EXOC4: variants seen among roughly 807,000 people sequenced by gnomAD.
The protein encoded by EXOC4 is exocyst complex component 4.
A neutral mutation model predicts 107.2 loss-of-function variants in EXOC4; 71 were observed. The ratio of observed to expected loss-of-function variants is 0.66; its 90% CI spans 0.55 to 0.81. The LOEUF (loss-of-function observed/expected upper bound fraction) is 0.81. Among genes scored for constraint, EXOC4 ranks in the 30% least tolerant of loss-of-function variants. EXOC4 has a pLI of 0.00. For synonymous variants in EXOC4, 456 were observed against 441.2 expected (o/e 1.03, Z -0.42); for missense variants, 1,108 against 1,189.6 (o/e 0.93, Z 1.01).
intron 9 of EXOC4, among the ~76,000 whole-genome samples, chr7:133,494,154 C>T (rs191885399): frequency 6.6e-5 from 10 of 152,224 alleles, no homozygotes; most frequent in South Asian, 2.1e-4. Context: ...AATCCTTTAA[C>T]GGATTGGGTA....
intron 13 of EXOC4, among the ~76,000 whole-genome samples, chr7:133,929,602 G>A (rs1273850723): frequency 6.6e-6 from 1 of 152,018 alleles, no homozygotes; most frequent in Non-Finnish European, 1.5e-5. Context: ...TCAGGGGTGT[G>A]TATGCAGGTT....
intron 10 of EXOC4, among the ~76,000 whole-genome samples, chr7:133,645,652 A>G (rs879476439): frequency 1.3e-5 from 2 of 151,112 alleles, no homozygotes; most frequent in Non-Finnish European, 2.9e-5. Flanking sequence ...GTTCTCTGTC[A>G]GAACCAGGAT....
chr7:133,379,317 A>G (rs1796561732), intron 7 of EXOC4, among the ~76,000 whole-genome samples: 1 of 152,112 alleles, frequency 6.6e-6, no homozygotes, highest in South Asian at 2.1e-4. Context: ...AAACTTGAAC[A>G]TTTATAGTCT....
At chr7:133,530,832 GA>G (rs1800168290) in intron 9 of EXOC4, among the ~76,000 whole-genome samples, 1 of 152,186 alleles carries the variant, frequency 6.6e-6, no homozygotes, top group Non-Finnish European at 1.5e-5. Context: ...TTGTCAAAGG[GA>G]ATGTGAAGGA....
At chr7:134,076,517 CAAAA>C in the EXOC4 span, among the ~76,000 whole-genome samples, 2 of 148,984 alleles carry the variant, frequency 1.3e-5, no homozygotes, top group African/African-American at 4.9e-5. Flanking sequence ...GACTCTGTCT[CAAAA>C]AAAAAGACAG....
intron 10 of EXOC4, among the ~76,000 whole-genome samples, chr7:133,657,652 G>A (rs560466157): frequency 6.6e-6 from 1 of 152,248 alleles, no homozygotes; most frequent in East Asian, 1.9e-4. Context: ...GGTTACGAAG[G>A]CTGTGTGGAG....
At chr7:134,024,581 A>G (rs367912971) in intron 17 of EXOC4, among the ~76,000 whole-genome samples, 43 of 152,316 alleles carry the variant, frequency 2.8e-4, no homozygotes, top group East Asian at 1.3e-3. Context: ...GTAGTGATAT[A>G]TTATTGACAC....
intron 9 of EXOC4, among the ~76,000 whole-genome samples, chr7:133,488,793 A>G (rs2150871758): frequency 6.6e-6 from 1 of 152,114 alleles, no homozygotes; most frequent in South Asian, 2.1e-4. Context: ...AAAGTAGAAT[A>G]CTATGTAGCA....
At chr7:133,481,057 G>GA (rs10686907) in intron 9 of EXOC4, 6,943 of 142,354 alleles carry the variant, frequency 0.049, 230 homozygotes, top group African/African-American at 0.08. Flanking sequence ...CTCAAAAAAA[G>GA]AAAAAAAAAA....
intron 7 of EXOC4, among the ~76,000 whole-genome samples, chr7:133,412,894 G>A (rs1240113636): frequency 6.6e-6 from 1 of 151,954 alleles, no homozygotes; most frequent in South Asian, 2.1e-4. Context: ...TGGTTTAATG[G>A]CAAACCTCTC....
At chr7:133,267,111 C>T (rs1287356040) in intron 1 of EXOC4, among the ~76,000 whole-genome samples, 1 of 152,214 alleles carries the variant, frequency 6.6e-6, no homozygotes, top group Non-Finnish European at 1.5e-5. Flanking sequence ...TATATTCTTG[C>T]ACAAGCCATC....
chr7:133,321,284 T>A (rs972905392), intron 5 of EXOC4, among the ~76,000 whole-genome samples: 11 of 152,090 alleles, frequency 7.2e-5, no homozygotes, highest in South Asian at 2.1e-4. Context: ...TTTTTTTTTT[T>A]AAATTATACT....
At chr7:134,077,554 T>C in the EXOC4 span, among the ~76,000 whole-genome samples, 48 of 152,332 alleles carry the variant, frequency 3.2e-4, 1 homozygote, top group African/African-American at 9.4e-4. Context: ...AGAATCTTTA[T>C]TGAGTGCGCT....
intron 9 of EXOC4, among the ~76,000 whole-genome samples, chr7:133,562,040 T>C (rs1043570580): frequency 3.9e-5 from 6 of 152,258 alleles, no homozygotes; most frequent in Admixed American, 2.0e-4. Context: ...ACCAGAAATA[T>C]GCCATAACAA....
chr7:133,921,483 TC>T (rs1799934529), intron 13 of EXOC4, among the ~76,000 whole-genome samples: 1 of 152,318 alleles, frequency 6.6e-6, no homozygotes, highest in South Asian at 2.1e-4. Flanking sequence ...TTGTTTTTTT[TC>T]TCTTTTAACA....
intron 13 of EXOC4, among the ~76,000 whole-genome samples, chr7:133,937,524 A>T (rs1437919341): frequency 6.6e-6 from 1 of 152,222 alleles, no homozygotes; most frequent in Non-Finnish European, 1.5e-5. Context: ...AACCATGTAC[A>T]TATTTAACAC....
intron 6 of EXOC4, among the ~76,000 whole-genome samples, chr7:133,371,527 G>A (rs963166807): frequency 6.6e-6 from 1 of 151,994 alleles, no homozygotes; most frequent in Non-Finnish European, 1.5e-5. Flanking sequence ...ACTTACCATA[G>A]TAATTTCAAG....
chr7:133,737,957 G>T (rs1320190247), intron 10 of EXOC4, among the ~76,000 whole-genome samples: 1 of 110,890 alleles, frequency 9.0e-6, no homozygotes, highest in Admixed American at 1.5e-4. Context: ...TGTTGCTTAG[G>T]TTGGAGTGCA....
chr7:133,817,298 A>T, intron 10 of EXOC4, 27 bp from the exon 11 acceptor site: 1 of 1,526,074 alleles, frequency 6.6e-7, no homozygotes, highest in Admixed American at 1.7e-5. Context: ...CATAAATTTA[A>T]TAACCTTCTT....
Sources: gnomAD v4.1 joint callset for allele counts (sites outside exome capture counted in the v4.1 genomes callset) on GRCh38, gnomAD v4.1.1 for gene constraint, MANE v1.5 for transcripts, NCBI Gene and HGNC (gene_info 2026-07-23, HGNC 2026-07-21) for gene names.